Variants in SAYSD1 observed in about 807,000 individuals in gnomAD.
SAYSD1 encodes SAYSVFN motif domain containing 1, also known as SAYSvFN domain-containing protein 1.
Under a neutral mutation model 14.5 loss-of-function variants are expected in SAYSD1, and 15 were observed. That is an observed-to-expected ratio of 1.03 (90% CI 0.69 to 1.59). SAYSD1 has a LOEUF of 1.59. Among genes scored for constraint, SAYSD1 ranks in the 40% most tolerant of loss-of-function variants. The probability of loss-of-function intolerance (pLI) is 0.00; values close to 1 mark genes in which losing one functional copy is unlikely to be tolerated. For missense variants in SAYSD1, 247 were observed against 227.3 expected (o/e 1.09, Z -0.56); for synonymous variants, 105 against 102.6 (o/e 1.02, Z -0.14).
chr6:39,104,369 C>CT lies in SAYSD1; in HGVS notation c.*1062dup, dbSNP rs1375507054. On this transcript the variant is annotated 3_prime_UTR_variant, in exon 2 of 2. Transcript: ENST00000229903. The stretch of plus-strand genomic sequence containing the variant: ...TGCCTAATTTTAATGAACCCAAACT[C>CT]TAACATTGTACTGGAAAAGCAGCAT... 6.6e-6 allele frequency: 1 copy of CT among 152,078 alleles called. No homozygotes were observed. The highest frequency in any genetic ancestry group is 2.4e-5 in the African/African-American group (1 of 41,328). 9.4% of individuals were successfully genotyped at this position (152,078 alleles called of 1,614,324 possible).
intron 1 of SAYSD1, among the ~76,000 whole-genome samples, chr6:39,108,428 G>GT (rs386358939): frequency 2.7e-5 from 4 of 146,520 alleles, no homozygotes; most frequent in African/African-American, 1.0e-4. Flanking sequence ...GGGTGTGGGG[G>GT]TGGGGGGGTA....
chr6:39,108,778 G>T (rs1184768204), intron 1 of SAYSD1, among the ~76,000 whole-genome samples: 1 of 152,108 alleles, frequency 6.6e-6, no homozygotes, highest in Non-Finnish European at 1.5e-5. Context: ...GTTCCTTCTT[G>T]TTAAATGTCT....
In SAYSD1 at chr6:39,105,385, G is replaced by C; in HGVS notation, c.*47C>G. The C allele has an allele frequency of 1.3e-6, 2 of 1,533,164 alleles. No homozygotes were observed. The highest frequency in any genetic ancestry group is 1.2e-5 in the South Asian group (1 of 86,344). 95.0% of individuals were successfully genotyped at this position (1,533,164 alleles called of 1,614,324 possible). A position where few individuals can be genotyped will look rare whatever the true frequency, so the allele number is the denominator to read the frequency against. On this transcript the variant is annotated 3_prime_UTR_variant, in exon 2 of 2. Transcript: ENST00000229903. Reference sequence around the variant, plus strand: ...TGAAATCAAATCCATAGCCAATGGTGAGGAAGACCACATCAGAGGTTAGCT... The same window carrying C: ...TGAAATCAAATCCATAGCCAATGGTCAGGAAGACCACATCAGAGGTTAGCT...
At chr6:39,114,828 C>T in intron 1 of SAYSD1, 55 bp downstream of exon 1, 2 of 1,561,534 alleles carry the variant, frequency 1.3e-6, no homozygotes, top group Non-Finnish European at 8.8e-7. Flanking sequence ...TAGGGCCGCG[C>T]CCTCGACTGT....
intron 1 of SAYSD1, chr6:39,113,184 G>A (rs1769661232): frequency 6.6e-6 from 1 of 152,124 alleles, no homozygotes; most frequent in Non-Finnish European, 1.5e-5. Context: ...TTCTAAAGTT[G>A]CAGTGATGGT....
At chr6:39,111,028 T>C (rs1221528884) in intron 1 of SAYSD1, 1 of 152,214 alleles carries the variant, frequency 6.6e-6, no homozygotes, top group East Asian at 1.9e-4. Context: ...AGCATCTGCA[T>C]TCAGTATTTA....
Position 39,113,521 on chromosome 6 carries a change from G to A in SAYSD1, c.207+1362C>T, listed in dbSNP as rs1034350064. ...TGAGCTTAAGGCAGAGTCCCTTATG[G>A]AAAAACAGAGCAATTAACAAGAAAC... is the stretch of plus-strand genomic sequence containing the variant. On this transcript the variant is annotated intron_variant, in intron 1 of 1. Coordinates refer to ENST00000229903, the MANE Select transcript of SAYSD1 (RefSeq NM_018322.3). 2.0e-5 allele frequency: 3 copies of A among 152,582 alleles called. No individual in the cohort carries two copies. In the South Asian group the frequency reaches 6.2e-4, roughly 32 times the overall value. The allele number at this position is 152,582 out of a possible 1,614,324, so 9.5% of individuals were successfully genotyped here. A position where few individuals can be genotyped will look rare whatever the true frequency, so the allele number is the denominator to read the frequency against.
intron 1 of SAYSD1, among the ~76,000 whole-genome samples, chr6:39,106,897 C>T (rs1769516629): frequency 6.6e-6 from 1 of 152,144 alleles, no homozygotes; most frequent in Non-Finnish European, 1.5e-5. Context: ...TGTGTCCAGT[C>T]CACTGTTTTC....
Position 39,115,056 on chromosome 6 carries a change from G to T in SAYSD1, c.34C>A (p.Arg12=), listed in dbSNP as rs1264860173. Residue 12 remains arginine, a synonymous_variant, in exon 1 of 2, where the codon CGG becomes AGG. Transcript: ENST00000229903. The part of the protein sequence containing the change: ...EQRLAEFRAA[R]KRAGLAAQPP... Reference sequence around the variant, plus strand: ...TGGGCCGCCAGACCCGCCCGTTTCCGCGCCGCCCGAAACTCAGCTAACCGC... The same window carrying T: ...TGGGCCGCCAGACCCGCCCGTTTCCTCGCCGCCCGAAACTCAGCTAACCGC... The T allele has an allele frequency of 6.2e-7, 1 of 1,610,356 alleles. No homozygotes were observed. Among genetic ancestry groups the T allele is most frequent in the East Asian group, 2.2e-5 (1 of 44,860 alleles).
At chr6:39,111,758 A>C (rs1769630265) in intron 1 of SAYSD1, 1 of 152,180 alleles carries the variant, frequency 6.6e-6, no homozygotes, top group South Asian at 2.1e-4. Flanking sequence ...AAGTCACTGG[A>C]CCTTAAAAAA....
intron 1 of SAYSD1, chr6:39,109,455 T>C: frequency 6.5e-7 from 1 of 1,538,848 alleles, no homozygotes; most frequent in Non-Finnish European, 8.8e-7. Context: ...AGCGGCATTG[T>C]CAGTCACAGC....
In SAYSD1 at chr6:39,108,597, T is replaced by A. The variant is rs1439425305; in HGVS notation, c.208-2821A>T. On this transcript the variant is annotated intron_variant, in intron 1 of 1. Coordinates refer to ENST00000229903, the MANE Select transcript of SAYSD1 (RefSeq NM_018322.3). Reference sequence around the variant, plus strand: ...CACAGGCATGGCCCAAGGAAGGCACTGCCATTCCTCAAATATCAAGCTGCT... The same window carrying A: ...CACAGGCATGGCCCAAGGAAGGCACAGCCATTCCTCAAATATCAAGCTGCT... Among the ~76,000 whole-genome samples, 10 of 152,152 alleles carry A rather than the reference T, an allele frequency of 6.6e-5. No homozygotes were observed. In the East Asian group the frequency reaches 1.9e-3, roughly 29 times the overall value.
rs1011536539 is a variant in SAYSD1 at position 39,104,169 on chromosome 6, T to C, written c.*1263A>G. 12 of 151,982 alleles carry C rather than the reference T, an allele frequency of 7.9e-5. No individual in the cohort carries two copies. The highest frequency in any genetic ancestry group is 2.9e-4 in the African/African-American group (12 of 41,294). 9.4% of individuals were successfully genotyped at this position (151,982 alleles called of 1,614,324 possible). A position where few individuals can be genotyped will look rare whatever the true frequency, so the allele number is the denominator to read the frequency against. ...ACTCATGGAAGAAAAGACTTTTCTG[T>C]GAGATAGAACAGACCATCTGCTTGA... On this transcript the variant is annotated 3_prime_UTR_variant, in exon 2 of 2. Coordinates refer to ENST00000229903, the MANE Select transcript of SAYSD1 (RefSeq NM_018322.3).
rs777420505 is a variant in SAYSD1 at position 39,115,001 on chromosome 6, G to T, written c.89C>A (p.Thr30Asn). ...QPPAASQGAQ[T>N]PGEKAEAAAT... The stretch of plus-strand genomic sequence containing the variant: ...TGCTGCTTCCGCCTTCTCTCCTGGG[G>T]TTTGTGCGCCCTGACTGGCAGCAGG... The change falls in exon 1 of 2, where the codon ACC (threonine) becomes AAC (asparagine). Residue 30 changes from threonine (T) to asparagine (N), a missense_variant. Coordinates refer to ENST00000229903, the MANE Select transcript of SAYSD1 (RefSeq NM_018322.3). The T allele has an allele frequency of 1.9e-6, 3 of 1,613,644 alleles. No individual in the cohort carries two copies. Among genetic ancestry groups the T allele is most frequent in the Non-Finnish European group, 2.5e-6 (3 of 1,179,932 alleles).
chr6:39,109,173 G>T, intron 1 of SAYSD1: 1 of 835,556 alleles, frequency 1.2e-6, no homozygotes, highest in Non-Finnish European at 2.0e-6. Context: ...CAGAAGGCCA[G>T]CCTGAGCCAA....
rs1223890008 is a variant in SAYSD1 at position 39,114,887 on chromosome 6, A to C, written c.203T>G (p.Val68Gly). Residue 68 changes from valine (V) to glycine (G), a missense_variant, in exon 1 of 2, where the codon GTT (valine) becomes GGT (glycine). Transcript: ENST00000229903. ...CCGAAGTTTCCATCGTCTCACCTGA[A>C]CTAGGCCGGGCTGGGCCCGGGCACT... ...PASARAQPGL[V>G]QEAAQPQGST... 1 of 1,612,064 alleles carries C rather than the reference A, an allele frequency of 6.2e-7. No individual in the cohort carries two copies. Among genetic ancestry groups the C allele is most frequent in the Non-Finnish European group, 8.5e-7 (1 of 1,179,708 alleles).
chr6:39,109,065 TAGTG>T (rs1769572487), intron 1 of SAYSD1, among the ~76,000 whole-genome samples: 1 of 151,990 alleles, frequency 6.6e-6, no homozygotes, highest in Admixed American at 6.6e-5. Context: ...GAATGAATGA[TAGTG>T]AGGGAAAGGA....
chr6:39,113,418 G>C (rs2113741382), intron 1 of SAYSD1: 1 of 152,628 alleles, frequency 6.6e-6, no homozygotes, highest in Non-Finnish European at 1.5e-5. Flanking sequence ...TTCTAAACTA[G>C]AGGCAGAATC....
intron 1 of SAYSD1, chr6:39,112,092 C>G (rs1014340560): frequency 6.6e-6 from 1 of 151,930 alleles, no homozygotes; most frequent in African/African-American, 2.4e-5. Context: ...AAAAAAAGAT[C>G]TGATGCATGA....
Sources: allele counts gnomAD v4.1 joint callset (sites outside exome capture counted in the v4.1 genomes callset), GRCh38; gene constraint gnomAD v4.1.1; transcripts MANE v1.5; gene names NCBI Gene and HGNC (gene_info 2026-07-23, HGNC 2026-07-21).